The following NHEJ1 variants were observed in gnomAD, a reference collection of about 807,000 sequenced individuals.
NHEJ1 encodes the protein non-homologous end-joining factor 1.
NHEJ1 carries 22 observed loss-of-function variants against 39.4 expected under a neutral mutation model. That is an observed-to-expected ratio of 0.56 (90% confidence interval 0.40 to 0.80). The LOEUF (loss-of-function observed/expected upper bound fraction) is 0.80, where lower values mean the gene tolerates loss of function less well. Ranked by LOEUF, NHEJ1 falls within the 30% of genes least tolerant of loss-of-function variation. The pLI, the probability that NHEJ1 is intolerant of heterozygous loss-of-function variation, is 0.00. For missense variants in NHEJ1, 329 were observed against 357.1 expected (o/e 0.92, Z 0.63); for synonymous variants, 154 against 135.6 (o/e 1.14, Z -0.94).
At chr2:219,154,329 A>G (rs995500733) in intron 3 of NHEJ1, among the ~76,000 whole-genome samples, 3 of 152,206 alleles carry the variant, frequency 2.0e-5, no homozygotes, top group African/African-American at 7.2e-5. Context: ...ATATACATAT[A>G]TAGCTTTAAG....
intron 5 of NHEJ1, among the ~76,000 whole-genome samples, chr2:219,103,173 GAAAAA>G (rs201837950): frequency 3.0e-5 from 4 of 134,432 alleles, no homozygotes; most frequent in African/African-American, 1.1e-4. Flanking sequence ...GCAAAAACGG[GAAAAA>G]AAAAAAAACT....
At chr2:219,087,814 TAA>T (rs1286781454) in intron 5 of NHEJ1, among the ~76,000 whole-genome samples, 1 of 152,082 alleles carries the variant, frequency 6.6e-6, no homozygotes, top group Non-Finnish European at 1.5e-5. Flanking sequence ...AAGAGACACT[TAA>T]GAGAGCAAAA....
chr2:219,093,798 G>T (rs73991031), intron 5 of NHEJ1, among the ~76,000 whole-genome samples: 2,457 of 152,234 alleles, frequency 0.016, 69 homozygotes, highest in African/African-American at 0.056. Flanking sequence ...ATTTTAAAAA[G>T]ACACAGTGAA....
chr2:219,148,083 AC>A (rs1226091463), intron 3 of NHEJ1, among the ~76,000 whole-genome samples: 1 of 152,178 alleles, frequency 6.6e-6, no homozygotes, highest in Non-Finnish European at 1.5e-5. Flanking sequence ...ACATGGCCAA[AC>A]CCTATCTCTA....
At chr2:219,084,282 C>T (rs1039644047) in intron 5 of NHEJ1, among the ~76,000 whole-genome samples, 1 of 152,212 alleles carries the variant, frequency 6.6e-6, no homozygotes, top group Non-Finnish European at 1.5e-5. Context: ...GCTGGGGTTA[C>T]AGGCATGAGC....
rs111575979 is a variant in NHEJ1, at chr2:219,155,863, T to C, written c.390+1609A>G. Among the ~76,000 whole-genome samples the C allele has an allele frequency of 9.1e-3, 1,373 of 150,814 alleles. 14 individuals carry two copies. The highest frequency in any genetic ancestry group is 0.021 in the Middle Eastern group (6 of 290). On this transcript the variant is annotated intron_variant, in intron 3 of 7. Coordinates refer to ENST00000356853, the MANE Select transcript of NHEJ1 (RefSeq NM_024782.3). ...TGGCATGAACCCAGGAGGCGGAGCT[T>C]GTAGTGAGCTGAGATCACGCCACTG... is the stretch of plus-strand genomic sequence containing the variant.
chr2:219,134,777 C>T (rs1393756939), intron 5 of NHEJ1, among the ~76,000 whole-genome samples: 3 of 152,056 alleles, frequency 2.0e-5, no homozygotes, highest in Non-Finnish European at 4.4e-5. Flanking sequence ...CGGTGGCTCA[C>T]GCTGGTAATC....
chr2:219,113,386 G>A (rs1050642241), intron 5 of NHEJ1, among the ~76,000 whole-genome samples: 1 of 151,702 alleles, frequency 6.6e-6, no homozygotes, highest in Non-Finnish European at 1.5e-5. Context: ...GAAAAGGGGA[G>A]GAAAATGGAG....
intron 5 of NHEJ1, among the ~76,000 whole-genome samples, chr2:219,123,258 A>G (rs906926307): frequency 2.0e-5 from 3 of 152,238 alleles, no homozygotes; most frequent in African/African-American, 7.2e-5. Flanking sequence ...TAGATCACAC[A>G]TTAACAGTAA....
chr2:219,119,759 TAAAG>T (rs1332759911), intron 5 of NHEJ1, among the ~76,000 whole-genome samples: 1 of 152,200 alleles, frequency 6.6e-6, no homozygotes, highest in Non-Finnish European at 1.5e-5. Flanking sequence ...TAATTTCTAT[TAAAG>T]AGAGTATTCC....
chr2:219,118,878 A>G (rs374923502), intron 5 of NHEJ1, among the ~76,000 whole-genome samples: 8 of 152,304 alleles, frequency 5.3e-5, no homozygotes, highest in African/African-American at 1.9e-4. Flanking sequence ...TGTGGGAATC[A>G]ATGGCGGCTG....
intron 5 of NHEJ1, among the ~76,000 whole-genome samples, chr2:219,113,133 CA>C (rs1232077908): frequency 1.3e-5 from 2 of 152,190 alleles, no homozygotes; most frequent in Non-Finnish European, 2.9e-5. Context: ...CATGTGTCAC[CA>C]GCATCTCTCG....
At chr2:219,082,275 A>G (rs1229298251) in intron 5 of NHEJ1, among the ~76,000 whole-genome samples, 1 of 152,216 alleles carries the variant, frequency 6.6e-6, no homozygotes, top group Admixed American at 6.5e-5. Context: ...TAGGCAAACC[A>G]AAGTGACAGA....
rs111477743 is a variant in NHEJ1 at position 219,159,611 on chromosome 2, A to G, written c.-1+1109T>C. On this transcript the variant is annotated intron_variant, in intron 1 of 7. Coordinates refer to ENST00000356853, the MANE Select transcript of NHEJ1 (RefSeq NM_024782.3). ...TGCATATATATATATGCATATATAT[A>G]CATATACGTGGTGATCTTTCTTTAT... Among the ~76,000 whole-genome samples, 260 of 104,848 alleles carry G rather than the reference A, an allele frequency of 2.5e-3. 7 individuals carry two copies. Among genetic ancestry groups the G allele is most frequent in the African/African-American group, 4.6e-3 (131 of 28,710 alleles). The allele number at this position is 104,848 out of a possible 152,430, so 68.8% of individuals were successfully genotyped here. A position where few individuals can be genotyped will look rare whatever the true frequency, so the allele number is the denominator to read the frequency against.
intron 5 of NHEJ1, among the ~76,000 whole-genome samples, chr2:219,099,148 A>G (rs1023405184): frequency 6.6e-6 from 1 of 152,198 alleles, no homozygotes; most frequent in African/African-American, 2.4e-5. Context: ...AACTGAGAAT[A>G]TGGAGAAGTG....
chr2:219,092,367 A>G (rs979329214), intron 5 of NHEJ1, among the ~76,000 whole-genome samples: 3 of 152,194 alleles, frequency 2.0e-5, no homozygotes, highest in Non-Finnish European at 2.9e-5. Context: ...TTTAAAACTA[A>G]TCTGTAATAT....
chr2:219,104,526 A>C (rs1008876655), intron 5 of NHEJ1, among the ~76,000 whole-genome samples: 1 of 152,220 alleles, frequency 6.6e-6, no homozygotes. Flanking sequence ...ACAAAGGGGA[A>C]TAGAGGAGAA....
chr2:219,107,077 A>G (rs1218601009), intron 5 of NHEJ1, among the ~76,000 whole-genome samples: 1 of 152,232 alleles, frequency 6.6e-6, no homozygotes, highest in Non-Finnish European at 1.5e-5. Flanking sequence ...TCCTGCTTCA[A>G]CAAGCTTCTA....
intron 5 of NHEJ1, among the ~76,000 whole-genome samples, chr2:219,130,684 CAT>C (rs1470472068): frequency 6.6e-6 from 1 of 152,134 alleles, no homozygotes; most frequent in Admixed American, 6.5e-5. Flanking sequence ...TTTTTCTGTA[CAT>C]GTTAGGTTGG....
Sources: allele counts gnomAD v4.1 joint callset (sites outside exome capture counted in the v4.1 genomes callset), GRCh38; gene constraint gnomAD v4.1.1; transcripts MANE v1.5; gene names NCBI Gene and HGNC (gene_info 2026-07-23, HGNC 2026-07-21).